The following PLEKHA7 variants were observed in gnomAD, a reference collection of about 807,000 sequenced individuals.
PLEKHA7 encodes the protein pleckstrin homology domain containing A7, also known as pleckstrin homology domain-containing family A member 7.
Under a neutral mutation model 170.0 loss-of-function variants are expected in PLEKHA7, and 104 were observed. That is an observed-to-expected ratio of 0.61 (90% CI 0.52 to 0.72). The LOEUF is 0.72. PLEKHA7 is among the 30% of genes least tolerant of loss of function. The pLI is 0.00. For missense variants in PLEKHA7, 1,615 were observed against 1,671.7 expected, an observed-to-expected ratio of 0.97 and a Z score of 0.59; for synonymous variants, 648 against 660.8, an observed-to-expected ratio of 0.98 and a Z score of 0.30.
intron 4 of PLEKHA7, among the ~76,000 whole-genome samples, chr11:16,864,534 T>C (rs978159640): frequency 4.6e-5 from 7 of 152,188 alleles, no homozygotes; most frequent in Admixed American, 3.3e-4. Context: ...CTTGAATTTG[T>C]AGCTGCCATA....
intron 3 of PLEKHA7, among the ~76,000 whole-genome samples, chr11:16,965,977 G>C (rs911523266): frequency 6.6e-6 from 1 of 152,196 alleles, no homozygotes; most frequent in African/African-American, 2.4e-5. Context: ...GAGGTCAGGA[G>C]TTCGAGACCA....
At chr11:16,811,266 CCCCGTGCACTAAACACTCTGGT>C (rs1468194166) in intron 13 of PLEKHA7, among the ~76,000 whole-genome samples, 1 of 152,206 alleles carries the variant, frequency 6.6e-6, no homozygotes, top group Non-Finnish European at 1.5e-5. Context: ...TTCCCTCTGG[CCCCGTGCACTAAACACTCTGGT>C]ATACCTGTGT....
intron 3 of PLEKHA7, among the ~76,000 whole-genome samples, chr11:17,013,522 AG>A (rs1438066774): frequency 6.6e-6 from 1 of 151,908 alleles, no homozygotes; most frequent in East Asian, 1.9e-4. Flanking sequence ...GCGGCGGGAG[AG>A]GGGGCGTCCT....
intron 3 of PLEKHA7, among the ~76,000 whole-genome samples, chr11:16,883,170 T>G (rs141507251): frequency 6.6e-6 from 1 of 152,248 alleles, no homozygotes; most frequent in African/African-American, 2.4e-5. Context: ...CAAAATGTCT[T>G]GGGAGATACA....
chr11:16,789,243 C>T lies in PLEKHA7; in HGVS notation c.3210G>A (p.Lys1070=), dbSNP rs1435929386. 1 of 1,613,686 alleles carries T rather than the reference C, an allele frequency of 6.2e-7. No individual in the cohort carries two copies. Among genetic ancestry groups the T allele is most frequent in the African/African-American group, 1.3e-5 (1 of 74,928 alleles). ...RLYSGDHQRG[K]MSAEEQLERM... ...GCTCCAGCTGCTCCTCTGCACTCATCTTGCCTCGCTGGTGATCCCCTGAGT... is the reference window on the plus strand; with the variant it reads ...GCTCCAGCTGCTCCTCTGCACTCATTTTGCCTCGCTGGTGATCCCCTGAGT... The change falls in exon 23 of 27, where the codon AAG becomes AAA. Residue 1070 remains lysine, a synonymous_variant. Transcript: ENST00000531066. The surrounding 1 kb of genome is among the most constrained non-coding windows in gnomAD (Gnocchi z 4.6).
At chr11:17,002,939 T>C (rs1864758342) in intron 3 of PLEKHA7, among the ~76,000 whole-genome samples, 1 of 149,260 alleles carries the variant, frequency 6.7e-6, no homozygotes, top group African/African-American at 2.5e-5. Context: ...ATAACCTCAG[T>C]GTGTATTTCC....
chr11:16,779,364 A>G (rs1417313191), intron 26 of PLEKHA7, among the ~76,000 whole-genome samples: 1 of 152,198 alleles, frequency 6.6e-6, no homozygotes, highest in Non-Finnish European at 1.5e-5. Context: ...CTAACCTAAA[A>G]AACATGGTGG....
At chr11:16,923,466 G>A (rs750734355) in intron 3 of PLEKHA7, among the ~76,000 whole-genome samples, 2 of 152,166 alleles carry the variant, frequency 1.3e-5, no homozygotes, top group Admixed American at 6.5e-5. Flanking sequence ...GGGTTTCAGA[G>A]TCAACAGCCT....
rs34556458 is a variant in PLEKHA7 at position 16,803,052 on chromosome 11, C to T, written c.2077G>A (p.Val693Ile). Residue 693 changes from valine (V) to isoleucine (I), a missense_variant and splice_region_variant, in exon 15 of 27, where the codon GTC becomes ATC. By Grantham distance (29) the Val-to-Ile change is conservative (BLOSUM62 3). Coordinates refer to ENST00000531066, the MANE Select transcript of PLEKHA7 (RefSeq NM_001329630.2). ...PVKIAESDTD[V>I]KLSIFCEQDR... ...TGTTCACAGAAGATGCTCAGTTTGACCTAAAAGCAAGAACAGGTGGAGAGG... is the reference window on the plus strand; with the variant it reads ...TGTTCACAGAAGATGCTCAGTTTGATCTAAAAGCAAGAACAGGTGGAGAGG... The T allele has an allele frequency of 7.1e-3, 11,454 of 1,613,910 alleles. 62 individuals are homozygous for T. Among genetic ancestry groups the T allele is most frequent in the Middle Eastern group, 0.015 (93 of 6,062 alleles).
At chr11:16,810,914 C>T (rs543142850) in intron 13 of PLEKHA7, among the ~76,000 whole-genome samples, 5 of 152,310 alleles carry the variant, frequency 3.3e-5, no homozygotes, top group African/African-American at 1.2e-4. Context: ...CTTTCGGAGT[C>T]ACGGTCCATT....
intron 3 of PLEKHA7, among the ~76,000 whole-genome samples, chr11:16,962,341 G>C (rs146847487): frequency 6.6e-6 from 1 of 152,216 alleles, no homozygotes; most frequent in East Asian, 1.9e-4. Flanking sequence ...TTGGCGACCA[G>C]TCAATGAGCA....
chr11:16,883,212 C>A (rs1391193067), intron 3 of PLEKHA7, among the ~76,000 whole-genome samples: 2 of 152,144 alleles, frequency 1.3e-5, no homozygotes, highest in Non-Finnish European at 2.9e-5. Flanking sequence ...CCACATCGGG[C>A]ACCAGCAGAA....
intron 5 of PLEKHA7, 56 bp from the exon 6 acceptor site, chr11:16,855,049 G>A: frequency 6.1e-6 from 9 of 1,474,756 alleles, no homozygotes; most frequent in South Asian, 4.5e-5. Context: ...ACACAAAAAA[G>A]CACTTGTATG....
At chr11:16,922,609 A>G (rs931320614) in intron 3 of PLEKHA7, among the ~76,000 whole-genome samples, 1 of 152,166 alleles carries the variant, frequency 6.6e-6, no homozygotes, top group African/African-American at 2.4e-5. Flanking sequence ...GCAAACCAAG[A>G]CTGCAAGTGC....
In PLEKHA7 at chr11:16,852,327, C is replaced by T; in HGVS notation, c.551G>A (p.Arg184Lys). 6.2e-7 allele frequency: 1 copy of T among 1,614,042 alleles called. No homozygotes were observed. Among genetic ancestry groups the T allele is most frequent in the East Asian group, 2.2e-5 (1 of 44,868 alleles). Reference protein sequence around the residue: ...QDSSGMRLWKRRWFVLADYCL... With the variant: ...QDSSGMRLWKKRWFVLADYCL... The stretch of plus-strand genomic sequence containing the variant: ...GTAATCAGCAAGCACAAACCACCTC[C>T]TTTTCCACAGCCTCATCCCAGAACT... Residue 184 changes from arginine to lysine, a missense_variant, in exon 7 of 27, where the codon AGG becomes AAG. Coordinates refer to ENST00000531066, the MANE Select transcript of PLEKHA7 (RefSeq NM_001329630.2).
intron 3 of PLEKHA7, among the ~76,000 whole-genome samples, chr11:16,949,258 T>A (rs1861256138): frequency 6.6e-6 from 1 of 152,002 alleles, no homozygotes. Context: ...CTAAGCCCCA[T>A]CTCCCCTGCA....
chr11:16,789,339 G>T lies in PLEKHA7; in HGVS notation c.3157-43C>A, dbSNP rs779516618. Reference sequence around the variant, plus strand: ...GGCAAGAGAGACACAGAACAGCTGGGCTGGGCACGCAGAGGACAGCCACCC... The same window carrying T: ...GGCAAGAGAGACACAGAACAGCTGGTCTGGGCACGCAGAGGACAGCCACCC... On this transcript the variant is annotated intron_variant, in intron 22 of 26. Coordinates refer to ENST00000531066, the MANE Select transcript of PLEKHA7 (RefSeq NM_001329630.2). This position sits in a 1 kb window ranked among gnomAD's most constrained non-coding sequence, Gnocchi z 4.6. 1 of 1,593,146 alleles carries T rather than the reference G, an allele frequency of 6.3e-7. No individual in the cohort carries two copies. Among genetic ancestry groups the T allele is most frequent in the Non-Finnish European group, 8.6e-7 (1 of 1,166,110 alleles).
chr11:16,996,514 A>G (rs1177976219), intron 3 of PLEKHA7, among the ~76,000 whole-genome samples: 1 of 152,196 alleles, frequency 6.6e-6, no homozygotes, highest in East Asian at 1.9e-4. Context: ...AGTTCCAGAA[A>G]GGTTTCAGGT....
At chr11:16,921,175 T>C (rs1048446428) in intron 3 of PLEKHA7, among the ~76,000 whole-genome samples, 2 of 152,190 alleles carry the variant, frequency 1.3e-5, no homozygotes, top group African/African-American at 4.8e-5. Context: ...GCAGATCATC[T>C]GGAACAGAGC....
Sources: gnomAD v4.1 joint callset for allele counts (sites outside exome capture counted in the v4.1 genomes callset) on GRCh38, gnomAD v4.1.1 for gene constraint, Gnocchi (gnomAD v3.1) non-coding constraint, MANE v1.5 for transcripts, NCBI Gene and HGNC (gene_info 2026-07-23, HGNC 2026-07-21) for gene names.